The following CSNK1G1 variants were observed in gnomAD, a reference collection of about 807,000 sequenced individuals.
The protein encoded by CSNK1G1 is casein kinase 1 gamma 1.
In CSNK1G1, 22 loss-of-function variants were observed where a neutral mutation model predicts 59.6. That is an observed-to-expected ratio of 0.37 (90% CI 0.26 to 0.53). The LOEUF is 0.53. Among genes scored for constraint, CSNK1G1 ranks in the 20% least tolerant of loss-of-function variants. The probability of loss-of-function intolerance (pLI) is 0.89; values close to 1 mark genes in which losing one functional copy is unlikely to be tolerated. For synonymous variants in CSNK1G1, 179 were observed against 177.1 expected (o/e 1.01, Z -0.08); for missense variants, 384 against 519.5 (o/e 0.74, Z 2.54).
At chr15:64,275,386 T>TACAACTCTAA (rs1361071153) in intron 2 of CSNK1G1, among the ~76,000 whole-genome samples, 1 of 152,148 alleles carries the variant, frequency 6.6e-6, no homozygotes, top group Non-Finnish European at 1.5e-5. Context: ...AAGATAACGA[T>TACAACTCTAA]AGCAATACAA....
chr15:64,333,433 C>CAA (rs59451869), intron 1 of CSNK1G1, among the ~76,000 whole-genome samples: 1,445 of 23,076 alleles, frequency 0.063, 627 homozygotes, highest in Middle Eastern at 0.25. Flanking sequence ...GACACCATCT[C>CAA]AAAAAAAAAA....
At chr15:64,302,486 T>C (rs187107193) in intron 1 of CSNK1G1, among the ~76,000 whole-genome samples, 3 of 152,122 alleles carry the variant, frequency 2.0e-5, no homozygotes, top group Non-Finnish European at 4.4e-5. Flanking sequence ...ATAATGTATA[T>C]TCTGTAAAGG....
At chr15:64,273,601 T>C (rs1893444761) in intron 2 of CSNK1G1, among the ~76,000 whole-genome samples, 1 of 152,088 alleles carries the variant, frequency 6.6e-6, no homozygotes, top group African/African-American at 2.4e-5. Flanking sequence ...TTACATGTAA[T>C]GTGAGGGATA....
chr15:64,172,318 T>C (rs576263296), intron 11 of CSNK1G1, among the ~76,000 whole-genome samples: 1 of 152,206 alleles, frequency 6.6e-6, no homozygotes, highest in Admixed American at 6.5e-5. Flanking sequence ...TCAAGAGTCA[T>C]GACTGGGGGT....
chr15:64,186,952 A>T (rs1007852285), intron 10 of CSNK1G1, among the ~76,000 whole-genome samples: 1 of 151,422 alleles, frequency 6.6e-6, no homozygotes, highest in African/African-American at 2.4e-5. Context: ...CCTCCTGAGT[A>T]GCTGGAACTA....
chr15:64,284,810 G>A (rs1350375939), intron 2 of CSNK1G1, among the ~76,000 whole-genome samples: 1 of 151,844 alleles, frequency 6.6e-6, no homozygotes. Context: ...CAGACAGCTG[G>A]AGCTTATTAA....
intron 2 of CSNK1G1, among the ~76,000 whole-genome samples, chr15:64,296,937 CTTT>C (rs960068624): frequency 2.2e-5 from 2 of 89,666 alleles, no homozygotes. Flanking sequence ...ACTATCGTTA[CTTT>C]TTTTTTTTTT....
intron 4 of CSNK1G1, among the ~76,000 whole-genome samples, chr15:64,234,013 C>G (rs1295478086): frequency 6.6e-6 from 1 of 152,142 alleles, no homozygotes; most frequent in Non-Finnish European, 1.5e-5. Context: ...CTCCCGCTTC[C>G]TCTCTCAAAT....
chr15:64,310,584 G>A (rs1895938990), intron 1 of CSNK1G1, among the ~76,000 whole-genome samples: 1 of 151,640 alleles, frequency 6.6e-6, no homozygotes, highest in Non-Finnish European at 1.5e-5. Context: ...GGGCATGGTG[G>A]TGTGTACCTA....
At chr15:64,255,793 C>T (rs757097683) in intron 3 of CSNK1G1, among the ~76,000 whole-genome samples, 1 of 152,076 alleles carries the variant, frequency 6.6e-6, no homozygotes, top group East Asian at 1.9e-4. Context: ...GAAGTTTCTC[C>T]GAAGTTGTCT....
chr15:64,258,542 C>A (rs1183926015), intron 3 of CSNK1G1, among the ~76,000 whole-genome samples: 1 of 152,082 alleles, frequency 6.6e-6, no homozygotes, highest in East Asian at 1.9e-4. Context: ...CACAGAGTTT[C>A]AGTGAAACTA....
intron 1 of CSNK1G1, among the ~76,000 whole-genome samples, chr15:64,311,085 G>A (rs1304820770): frequency 1.3e-5 from 2 of 150,898 alleles, no homozygotes; most frequent in Non-Finnish European, 2.9e-5. Flanking sequence ...AGACAGTCTC[G>A]CTCTGTCACC....
chr15:64,187,848 A>G (rs2081918678), intron 10 of CSNK1G1, among the ~76,000 whole-genome samples: 1 of 152,244 alleles, frequency 6.6e-6, no homozygotes, highest in African/African-American at 2.4e-5. Context: ...CCCAAATGAA[A>G]TCAGAAATAA....
At chr15:64,175,278 T>C (rs899166765) in intron 11 of CSNK1G1, among the ~76,000 whole-genome samples, 1 of 152,150 alleles carries the variant, frequency 6.6e-6, no homozygotes, top group Non-Finnish European at 1.5e-5. Flanking sequence ...GCTTAGATAG[T>C]TAGGGTTCAG....
intron 1 of CSNK1G1, among the ~76,000 whole-genome samples, chr15:64,352,446 TC>T (rs1184340003): frequency 4.4e-5 from 4 of 91,216 alleles, no homozygotes; most frequent in Admixed American, 1.5e-4. Context: ...TTTGAATTCT[TC>T]TTTTTTTTTT....
chr15:64,187,205 G>C (rs144627180), intron 10 of CSNK1G1, among the ~76,000 whole-genome samples: 1,713 of 148,414 alleles, frequency 0.012, 19 homozygotes, highest in Middle Eastern at 0.039. Context: ...GTTTTTTTTG[G>C]GGGGGATGGA....
intron 1 of CSNK1G1, among the ~76,000 whole-genome samples, chr15:64,342,270 C>G (rs1042492587): frequency 2.0e-5 from 3 of 152,182 alleles, no homozygotes; most frequent in Non-Finnish European, 2.9e-5. Flanking sequence ...CCTTTCTCTG[C>G]CTCATTTGCT....
intron 10 of CSNK1G1, among the ~76,000 whole-genome samples, chr15:64,202,126 G>A (rs1198698317): frequency 6.6e-6 from 1 of 152,068 alleles, no homozygotes; most frequent in African/African-American, 2.4e-5. Flanking sequence ...TCCAAACAAC[G>A]AACAATGAAG....
chr15:64,172,772 T>C (rs951747749), intron 11 of CSNK1G1, among the ~76,000 whole-genome samples: 2 of 152,170 alleles, frequency 1.3e-5, no homozygotes, highest in Non-Finnish European at 2.9e-5. Context: ...TTGTTTAGGA[T>C]GGAGGTGGGA....
Sources: gnomAD v4.1 joint callset for allele counts (sites outside exome capture counted in the v4.1 genomes callset) on GRCh38, gnomAD v4.1.1 for gene constraint, MANE v1.5 for transcripts, NCBI Gene and HGNC (gene_info 2026-07-23, HGNC 2026-07-21) for gene names.